SCN11A: variants seen among roughly 807,000 people sequenced by gnomAD.
SCN11A encodes the protein sodium voltage-gated channel alpha subunit 11.
SCN11A carries 122 observed loss-of-function variants against 162.2 expected under a neutral mutation model. The ratio of observed to expected loss-of-function variants is 0.75; its 90% confidence interval spans 0.65 to 0.87. The LOEUF (loss-of-function observed/expected upper bound fraction) is 0.87. Ranked by LOEUF, SCN11A falls within the 40% of genes least tolerant of loss-of-function variation. The probability of loss-of-function intolerance (pLI) is 0.00; values close to 1 mark genes in which losing one functional copy is unlikely to be tolerated. For missense variants in SCN11A, 2,015 were observed against 2,181.6 expected, an observed-to-expected ratio of 0.92 and a Z score of 1.52; for synonymous variants, 758 against 751.5, an observed-to-expected ratio of 1.01 and a Z score of -0.14.
rs1559498726 is a variant in SCN11A, at chr3:38,872,248, CG to C, written c.3439del (p.Arg1147GlyfsTer6). ...AAGAGGCCTCAGTGCTCGTAGAGTC[CG>C]GAAGGACTTCAATTCCATTAAGTTA... ...LINLMELKSF[R>X]TLRALRPLRA... is the part of the protein sequence containing the mutation. On this transcript the variant is annotated frameshift_variant, in exon 24 of 30. Transcript: ENST00000302328. LOFTEE classifies it high-confidence loss of function. 1 of 1,610,986 alleles carries C rather than the reference CG, an allele frequency of 6.2e-7. No homozygotes were observed. The highest frequency in any genetic ancestry group is 1.1e-5 in the South Asian group (1 of 91,000).
chr3:38,916,826 C>T (rs1019017944), intron 11 of SCN11A, among the ~76,000 whole-genome samples: 1 of 152,198 alleles, frequency 6.6e-6, no homozygotes, highest in African/African-American at 2.4e-5. Context: ...GGGGAGGAAG[C>T]AGTGACTGGA....
chr3:39,011,778 T>C (rs373169100), intron 2 of SCN11A, among the ~76,000 whole-genome samples: 1 of 152,206 alleles, frequency 6.6e-6, no homozygotes, highest in East Asian at 1.9e-4. Flanking sequence ...AAATGGTCCC[T>C]GCTCTGTCTC....
rs2126076460 is a variant in SCN11A at position 38,847,516 on chromosome 3, C to A, written c.4554G>T (p.Trp1518Cys). 1 of 1,614,108 alleles carries A rather than the reference C, an allele frequency of 6.2e-7. No individual in the cohort carries two copies. The highest frequency in any genetic ancestry group is 1.1e-5 in the South Asian group (1 of 91,078). The change falls in exon 30 of 30, where the codon TGG becomes TGT. Residue 1518 changes from tryptophan to cysteine, a missense_variant. Physicochemically the swap from Trp to Cys is radical, Grantham distance 215. Transcript: ENST00000302328. ...MFIYAILGMN[W>C]FSKVNPESGI... is the part of the protein sequence containing the mutation. ...CAGACTCTGGATTCACTTTGGAAAA[C>A]CAGTTCATACCCAGAATGGCATAGA...
At chr3:38,945,853 T>G (rs1395637971) in intron 6 of SCN11A, among the ~76,000 whole-genome samples, 1 of 152,226 alleles carries the variant, frequency 6.6e-6, no homozygotes, top group African/African-American at 2.4e-5. Flanking sequence ...TATCCTTGCT[T>G]GGCTCTTTGT....
At chr3:38,878,144 G>A (rs568907978) in intron 23 of SCN11A, among the ~76,000 whole-genome samples, 1 of 149,626 alleles carries the variant, frequency 6.7e-6, no homozygotes, top group South Asian at 2.1e-4. Context: ...AACACCACCT[G>A]TTCCCTGAAA....
At chr3:38,987,301 T>TCACACACA (rs1371784796) in intron 2 of SCN11A, among the ~76,000 whole-genome samples, 4 of 113,598 alleles carry the variant, frequency 3.5e-5, no homozygotes, top group Non-Finnish European at 5.3e-5. Flanking sequence ...TCTCTCTCTC[T>TCACACACA]CTCACACACA....
chr3:38,953,475 A>C (rs142514114), intron 4 of SCN11A, among the ~76,000 whole-genome samples, 154 bp downstream of exon 4: 1 of 152,286 alleles, frequency 6.6e-6, no homozygotes, highest in African/African-American at 2.4e-5. Flanking sequence ...TAGGAAGATA[A>C]AGGGGAGGCT....
At chr3:39,014,626 A>G (rs1435830465) in intron 2 of SCN11A, among the ~76,000 whole-genome samples, 1 of 152,160 alleles carries the variant, frequency 6.6e-6, no homozygotes, top group Non-Finnish European at 1.5e-5. Flanking sequence ...ACATAGTAAG[A>G]CCAGTTGAAT....
chr3:38,972,527 T>C (rs1248445312), intron 2 of SCN11A, among the ~76,000 whole-genome samples: 1 of 152,156 alleles, frequency 6.6e-6, no homozygotes, highest in Non-Finnish European at 1.5e-5. Flanking sequence ...GCAGATTTCA[T>C]CTCAGTTCAA....
intron 1 of SCN11A, among the ~76,000 whole-genome samples, chr3:39,050,768 C>T (rs1326155644): frequency 6.6e-6 from 1 of 152,114 alleles, no homozygotes; most frequent in Non-Finnish European, 1.5e-5. Context: ...GAAATCAATA[C>T]AAAAAATTAT....
At chr3:38,883,931 C>A (rs1350631819) in intron 21 of SCN11A, among the ~76,000 whole-genome samples, 1 of 152,138 alleles carries the variant, frequency 6.6e-6, no homozygotes, top group South Asian at 2.1e-4. Context: ...TGGCCACAGG[C>A]TTTGTGAACC....
At position 38,910,169 on chromosome 3, in the gene SCN11A, A is replaced by C. The variant is rs772157846; in HGVS notation, c.998T>G (p.Ile333Ser). The C allele has an allele frequency of 1.1e-5, 17 of 1,613,670 alleles. No individual in the cohort carries two copies. Among genetic ancestry groups the C allele is most frequent in the Non-Finnish European group, 1.4e-5 (17 of 1,179,656 alleles). ...ATTCGTATAATTATAGTCAGGATTA[A>C]TTTTGGTGTGCTTACATTCATATTG... is the stretch of plus-strand genomic sequence containing the variant. ...SIQYECKHTKINPDYNYTNFD... is the reference protein window; with the variant it reads ...SIQYECKHTKSNPDYNYTNFD... Residue 333 changes from isoleucine to serine, a missense_variant, in exon 12 of 30, where the codon ATT becomes AGT. Coordinates refer to ENST00000302328, the MANE Select transcript of SCN11A (RefSeq NM_001349253.2).
intron 24 of SCN11A, 61 bp downstream of exon 24, chr3:38,872,132 T>C (rs1419841035): frequency 3.0e-6 from 3 of 996,026 alleles, no homozygotes; most frequent in Non-Finnish European, 4.8e-6. Flanking sequence ...CAAAAAGAAC[T>C]GTTGGTCTTT....
chr3:39,032,647 T>C (rs1004391546), intron 1 of SCN11A, among the ~76,000 whole-genome samples, 144 bp from the exon 2 acceptor site: 4 of 152,196 alleles, frequency 2.6e-5, no homozygotes, highest in African/African-American at 9.6e-5. Flanking sequence ...GAGCCTGTAT[T>C]ACATAAAACT....
rs1361648441 is a variant in SCN11A, at chr3:38,867,189, G to A, written c.3951+132C>T. On this transcript the variant is annotated intron_variant, in intron 27 of 29. Transcript: ENST00000302328. Reference sequence around the variant, plus strand: ...GAGGATCATCTCCAGGCAGACATGGGAGGCTCCCTCCTTGTTATTGTGCAG... The same window carrying A: ...GAGGATCATCTCCAGGCAGACATGGAAGGCTCCCTCCTTGTTATTGTGCAG... 9 of 777,674 alleles carry A rather than the reference G, an allele frequency of 1.2e-5. No homozygotes were observed. The African/African-American group carries it at 1.6e-4, about 14-fold the overall frequency. The allele number at this position is 777,674 out of a possible 1,614,324, so 48.2% of individuals were successfully genotyped here. A position where few individuals can be genotyped will look rare whatever the true frequency, so the allele number is the denominator to read the frequency against.
At chr3:39,024,446 T>C (rs764765118) in intron 2 of SCN11A, among the ~76,000 whole-genome samples, 1 of 152,190 alleles carries the variant, frequency 6.6e-6, no homozygotes, top group Non-Finnish European at 1.5e-5. Context: ...ATGGCCAGTG[T>C]TGGGGCTCAG....
At chr3:38,981,385 A>G (rs555761764) in intron 2 of SCN11A, among the ~76,000 whole-genome samples, 72 of 152,294 alleles carry the variant, frequency 4.7e-4, no homozygotes, top group African/African-American at 1.7e-3. Flanking sequence ...GACTTGGAAA[A>G]TGGCTTGAAT....
At position 38,870,723 on chromosome 3, in the gene SCN11A, C is replaced by G; in HGVS notation, c.3781G>C (p.Asp1261His). The G allele has an allele frequency of 6.2e-7, 1 of 1,613,590 alleles. No individual in the cohort carries two copies. Among genetic ancestry groups the G allele is most frequent in the Non-Finnish European group, 8.5e-7 (1 of 1,179,622 alleles). ...GAATCAACAGCTGCATATATAATATCCATCCAGCCCTTAAATGTTGCCTGC... is the reference window on the plus strand; with the variant it reads ...GAATCAACAGCTGCATATATAATATGCATCCAGCCCTTAAATGTTGCCTGC... ...LQVATFKGWMDIIYAAVDSTE... is the reference protein window; with the variant it reads ...LQVATFKGWMHIIYAAVDSTE... Residue 1261 changes from aspartate to histidine, a missense_variant, in exon 26 of 30, where the codon GAT becomes CAT. Coordinates refer to ENST00000302328, the MANE Select transcript of SCN11A (RefSeq NM_001349253.2).
At chr3:38,885,218 G>A in intron 21 of SCN11A, 70 bp downstream of exon 21, 4 of 881,684 alleles carry the variant, frequency 4.5e-6, no homozygotes, top group Non-Finnish European at 7.7e-6. Flanking sequence ...TAAAACCACA[G>A]AGCTTCAAAG....
Sources: allele counts gnomAD v4.1 joint callset (sites outside exome capture counted in the v4.1 genomes callset), GRCh38; gene constraint gnomAD v4.1.1; transcripts MANE v1.5; gene names NCBI Gene and HGNC (gene_info 2026-07-23, HGNC 2026-07-21).